The following DSCAML1 variants were observed in gnomAD, a reference collection of about 807,000 sequenced individuals.
DSCAML1 encodes DS cell adhesion molecule like 1.
In DSCAML1, 38 loss-of-function variants were observed where a neutral mutation model predicts 200.5. The observed-to-expected ratio is 0.19, with a 90% CI of 0.15 to 0.25. The LOEUF is 0.25. Among genes scored for constraint, DSCAML1 ranks in the 10% least tolerant of loss-of-function variants. The probability of loss-of-function intolerance (pLI) is 1.00; values close to 1 mark genes in which losing one functional copy is unlikely to be tolerated. For missense variants in DSCAML1, 2,223 were observed against 2,858.8 expected, an observed-to-expected ratio of 0.78 and a Z score of 5.07; for synonymous variants, 1,215 against 1,165.0, an observed-to-expected ratio of 1.04 and a Z score of -0.87.
At chr11:117,612,988 GC>G (rs2051727047) in intron 3 of DSCAML1, among the ~76,000 whole-genome samples, 1 of 152,182 alleles carries the variant, frequency 6.6e-6, no homozygotes, top group Non-Finnish European at 1.5e-5. Flanking sequence ...GCACCTGAAA[GC>G]CACGGAGGTT....
intron 4 of DSCAML1, among the ~76,000 whole-genome samples, chr11:117,531,892 AAAG>A (rs533849549): frequency 4.2e-5 from 6 of 143,594 alleles, no homozygotes; most frequent in East Asian, 2.2e-4. Flanking sequence ...GTCTCAGGAA[AAAG>A]AAAGAAAGGG....
intron 3 of DSCAML1, among the ~76,000 whole-genome samples, chr11:117,626,853 G>T (rs761008762): frequency 3.3e-5 from 5 of 152,094 alleles, no homozygotes; most frequent in Non-Finnish European, 7.4e-5. Flanking sequence ...TGCAGAGTAG[G>T]GGCAAAATCT....
At chr11:117,542,883 AG>A (rs1034568257) in intron 3 of DSCAML1, among the ~76,000 whole-genome samples, 1 of 152,214 alleles carries the variant, frequency 6.6e-6, no homozygotes, top group Non-Finnish European at 1.5e-5. Flanking sequence ...ACACAAATTC[AG>A]AGCTGTTTCC....
intron 19 of DSCAML1, among the ~76,000 whole-genome samples, chr11:117,453,746 CTTTT>C (rs138176049): frequency 3.5e-4 from 49 of 138,168 alleles, no homozygotes; most frequent in Middle Eastern, 3.6e-3. Context: ...TTCTTTCTTT[CTTTT>C]TTTTTTTTTT....
chr11:117,449,458 A>T (rs1025522436), intron 20 of DSCAML1, among the ~76,000 whole-genome samples: 3 of 152,042 alleles, frequency 2.0e-5, no homozygotes, highest in African/African-American at 7.3e-5. Flanking sequence ...TCAGAGGGTA[A>T]TTCAGAAAGA....
At chr11:117,692,425 C>T (rs527281803) in intron 3 of DSCAML1, among the ~76,000 whole-genome samples, 1 of 152,066 alleles carries the variant, frequency 6.6e-6, no homozygotes, top group Non-Finnish European at 1.5e-5. Context: ...CTCTCTCTCT[C>T]CCATCCCTCC....
chr11:117,544,965 C>A (rs913054278), intron 3 of DSCAML1, among the ~76,000 whole-genome samples: 6 of 152,080 alleles, frequency 3.9e-5, no homozygotes, highest in Admixed American at 6.6e-5. Flanking sequence ...GGTGTGGTGG[C>A]TCATGCCTGT....
chr11:117,606,224 G>A (rs1261318874), intron 3 of DSCAML1, among the ~76,000 whole-genome samples: 1 of 152,160 alleles, frequency 6.6e-6, no homozygotes, highest in Non-Finnish European at 1.5e-5. Flanking sequence ...TTCCCTGTAA[G>A]TAATATTTTC....
At chr11:117,673,139 G>A (rs1238839772) in intron 3 of DSCAML1, among the ~76,000 whole-genome samples, 10 of 152,172 alleles carry the variant, frequency 6.6e-5, no homozygotes, top group African/African-American at 2.2e-4. Context: ...TCAGCATGAC[G>A]CCCTTGGCCC....
intron 3 of DSCAML1, among the ~76,000 whole-genome samples, chr11:117,691,977 G>A (rs1017434155): frequency 3.9e-5 from 6 of 152,110 alleles, no homozygotes; most frequent in African/African-American, 1.4e-4. Context: ...TAAGCTGTGA[G>A]CATGAGAAGT....
At chr11:117,430,116 C>T (rs1047766671) in intron 32 of DSCAML1, among the ~76,000 whole-genome samples, 2 of 152,242 alleles carry the variant, frequency 1.3e-5, no homozygotes, top group African/African-American at 4.8e-5. Context: ...CTGATAGACT[C>T]CCCCTGCTGA....
At chr11:117,442,203 G>T (rs1243647547) in intron 21 of DSCAML1, among the ~76,000 whole-genome samples, 1 of 150,944 alleles carries the variant, frequency 6.6e-6, no homozygotes, top group African/African-American at 2.4e-5. Context: ...GTGTGCATGT[G>T]TGCATGTATT....
At chr11:117,669,302 G>A (rs2053051424) in intron 3 of DSCAML1, among the ~76,000 whole-genome samples, 1 of 152,226 alleles carries the variant, frequency 6.6e-6, no homozygotes. Context: ...GTGGGCAGAT[G>A]GTCTGGGGGA....
chr11:117,783,739 C>T (rs1266063344), intron 1 of DSCAML1, among the ~76,000 whole-genome samples: 1 of 152,148 alleles, frequency 6.6e-6, no homozygotes, highest in African/African-American at 2.4e-5. Context: ...GGATGCACCT[C>T]CTACTCTACT....
Position 117,480,070 on chromosome 11 carries a change from G to A in DSCAML1, c.2785+373C>T, listed in dbSNP as rs2048879119. Among the ~76,000 whole-genome samples, 1 of 152,130 alleles carries A rather than the reference G, an allele frequency of 6.6e-6. No homozygotes were observed. The highest frequency in any genetic ancestry group is 2.1e-4 in the South Asian group (1 of 4,820). On this transcript the variant is annotated intron_variant, in intron 14 of 32. Transcript: ENST00000651296. The surrounding 1 kb of genome is among the most constrained non-coding windows in gnomAD (Gnocchi z 4.1). ...AATCATCCTCCTCATCCCAGACCAGGAGCACCCATATGACCTGGCCAAACC... is the reference window on the plus strand; with the variant it reads ...AATCATCCTCCTCATCCCAGACCAGAAGCACCCATATGACCTGGCCAAACC...
At chr11:117,448,208 T>C (rs2048217792) in intron 20 of DSCAML1, among the ~76,000 whole-genome samples, 1 of 152,148 alleles carries the variant, frequency 6.6e-6, no homozygotes, top group African/African-American at 2.4e-5. Context: ...GACACCAACC[T>C]TGGAAAGACT....
At position 117,780,304 on chromosome 11, in the gene DSCAML1, G is replaced by GAC. The variant is rs71037499; in HGVS notation, c.364+188_364+189insGT. ...AGAAAGAAAGAAAGAAAGAAAGAAA[G>GAC]AGAGAAAGGAGAAAGAAAGGTGTCT... is the stretch of plus-strand genomic sequence containing the variant. On this transcript the variant is annotated intron_variant, in intron 2 of 32. Transcript: ENST00000651296. This position sits in a 1 kb window ranked among gnomAD's most constrained non-coding sequence, Gnocchi z 4.8. Among the ~76,000 whole-genome samples the GAC allele has an allele frequency of 2.0e-5, 2 of 98,360 alleles. No individual in the cohort carries two copies. The highest frequency in any genetic ancestry group is 1.0e-4 in the Admixed American group (1 of 9,680). 64.5% of individuals were successfully genotyped at this position (98,360 alleles called of 152,430 possible).
intron 3 of DSCAML1, among the ~76,000 whole-genome samples, chr11:117,536,340 C>T (rs1022866886): frequency 6.6e-6 from 1 of 151,124 alleles, no homozygotes; most frequent in Non-Finnish European, 1.5e-5. Flanking sequence ...ACATGGCTGG[C>T]CTCCCGGGCT....
At chr11:117,436,106 G>C (rs1426260356) in intron 26 of DSCAML1, among the ~76,000 whole-genome samples, 4 of 152,248 alleles carry the variant, frequency 2.6e-5, no homozygotes, top group Admixed American at 6.5e-5. Flanking sequence ...TTCCCAGAGA[G>C]TGGATTGATG....
Sources: allele counts gnomAD v4.1 joint callset (sites outside exome capture counted in the v4.1 genomes callset), GRCh38; gene constraint gnomAD v4.1.1; non-coding constraint Gnocchi (gnomAD v3.1); transcripts MANE v1.5; gene names NCBI Gene and HGNC (gene_info 2026-07-23, HGNC 2026-07-21).